Variants in SEMA6D observed in about 807,000 individuals in gnomAD.
SEMA6D encodes semaphorin-6D.
SEMA6D carries 35 observed loss-of-function variants against 106.6 expected under a neutral mutation model. The ratio of observed to expected loss-of-function variants is 0.33; its 90% CI spans 0.25 to 0.44. The LOEUF (loss-of-function observed/expected upper bound fraction) is 0.44, where lower values mean the gene tolerates loss of function less well. SEMA6D is among the 20% of genes least tolerant of loss of function. SEMA6D has a pLI of 1.00. For missense variants in SEMA6D, 1,185 were observed against 1,345.9 expected (o/e 0.88, Z 1.87); for synonymous variants, 499 against 487.7 (o/e 1.02, Z -0.31).
chr15:47,247,895 C>T (rs940118821), intron 1 of SEMA6D, among the ~76,000 whole-genome samples: 1 of 152,184 alleles, frequency 6.6e-6, no homozygotes. Flanking sequence ...CTGTGTCAGA[C>T]TTGAGGGTCA....
intron 1 of SEMA6D, among the ~76,000 whole-genome samples, chr15:47,347,018 T>C (rs606997): frequency 0.53 from 80,916 of 151,892 alleles, 24,659 homozygotes; most frequent in African/African-American, 0.85. Context: ...AAGCGATTCT[T>C]GCACCTCAAC....
chr15:47,407,537 G>A (rs2040636472), intron 1 of SEMA6D, among the ~76,000 whole-genome samples: 1 of 152,082 alleles, frequency 6.6e-6, no homozygotes, highest in South Asian at 2.1e-4. Context: ...ATTTGGAAAT[G>A]TTGACTTGAA....
chr15:47,437,193 A>G lies in SEMA6D; in HGVS notation c.-159+24721A>G, dbSNP rs537961374. Reference sequence around the variant, plus strand: ...CTTTAGTCAAATATCTCCTTAGCCAATTGCTGTCTTGTGCCTAATCCAAAT... The same window carrying G: ...CTTTAGTCAAATATCTCCTTAGCCAGTTGCTGTCTTGTGCCTAATCCAAAT... On this transcript the variant is annotated intron_variant, in intron 2 of 19. Transcript: ENST00000558014. Among the ~76,000 whole-genome samples, 8 of 152,146 alleles carry G rather than the reference A, an allele frequency of 5.3e-5. No homozygotes were observed. In the South Asian group the frequency reaches 1.0e-3, roughly 20 times the overall value.
At chr15:47,621,423 C>T (rs568707660) in intron 4 of SEMA6D, among the ~76,000 whole-genome samples, 1 of 151,976 alleles carries the variant, frequency 6.6e-6, no homozygotes, top group Non-Finnish European at 1.5e-5. Context: ...AATACATAAG[C>T]CCGGTGAATC....
chr15:47,619,359 C>T (rs1324143869), intron 4 of SEMA6D, among the ~76,000 whole-genome samples: 1 of 152,172 alleles, frequency 6.6e-6, no homozygotes, highest in Non-Finnish European at 1.5e-5. Context: ...CTGACATCTG[C>T]TTTGACAAGC....
intron 1 of SEMA6D, among the ~76,000 whole-genome samples, chr15:47,402,637 G>A (rs1324945946): frequency 2.6e-5 from 4 of 152,048 alleles, no homozygotes; most frequent in African/African-American, 4.8e-5. Context: ...GTTTCCACTG[G>A]GCCCCTCCAG....
intron 3 of SEMA6D, among the ~76,000 whole-genome samples, chr15:47,585,042 C>A (rs2076314013): frequency 6.6e-6 from 1 of 152,132 alleles, no homozygotes; most frequent in African/African-American, 2.4e-5. Flanking sequence ...GTCTTTCTGC[C>A]TATCTTAATA....
At chr15:47,624,436 C>T (rs995367963) in intron 4 of SEMA6D, among the ~76,000 whole-genome samples, 2 of 152,160 alleles carry the variant, frequency 1.3e-5, no homozygotes, top group South Asian at 4.1e-4. Context: ...TTTATTACCT[C>T]TGTGAAAAAC....
chr15:47,444,332 A>G (rs899697793), intron 2 of SEMA6D, among the ~76,000 whole-genome samples: 3 of 152,172 alleles, frequency 2.0e-5, no homozygotes, highest in Admixed American at 6.5e-5. Flanking sequence ...ATGGGCAAGG[A>G]TGACTTTCAG....
chr15:47,315,791 T>C (rs544206514), intron 1 of SEMA6D, among the ~76,000 whole-genome samples: 1 of 152,306 alleles, frequency 6.6e-6, no homozygotes, highest in African/African-American at 2.4e-5. Flanking sequence ...TTTACTCTTA[T>C]AGATCTTGTA....
intron 4 of SEMA6D, among the ~76,000 whole-genome samples, chr15:47,647,394 T>C (rs1210599457): frequency 6.6e-6 from 1 of 152,216 alleles, no homozygotes; most frequent in Non-Finnish European, 1.5e-5. Context: ...GGAATTGTAT[T>C]CATGGAAGGT....
At chr15:47,754,343 C>A (rs926635310) in intron 1 of SEMA6D, among the ~76,000 whole-genome samples, 10 of 152,192 alleles carry the variant, frequency 6.6e-5, no homozygotes, top group African/African-American at 1.9e-4. Context: ...GCATCTGGAA[C>A]AACAAATCTG....
rs535838933 is a variant in SEMA6D at position 47,682,073 on chromosome 15, A to G, written c.-54-77672A>G. 3.3e-3 allele frequency among the ~76,000 whole-genome samples: 510 copies of G among 152,266 alleles called. 2 individuals carry two copies. The highest frequency in any genetic ancestry group is 4.4e-3 in the Non-Finnish European group (299 of 68,020). ...GAGTAAGGCAGGATTTAGGGGATGTATGTAAACCCCTAAAGGGTATATTTA... is the reference window on the plus strand; with the variant it reads ...GAGTAAGGCAGGATTTAGGGGATGTGTGTAAACCCCTAAAGGGTATATTTA... On this transcript the variant is annotated intron_variant, in intron 4 of 19. Transcript: ENST00000558014.
intron 3 of SEMA6D, among the ~76,000 whole-genome samples, chr15:47,531,728 AGT>A (rs2044976637): frequency 6.6e-6 from 1 of 152,182 alleles, no homozygotes; most frequent in South Asian, 2.1e-4. Context: ...ATTGGGAATC[AGT>A]GGGAGAGAAA....
chr15:47,211,804 G>A (rs142014221), intron 1 of SEMA6D, among the ~76,000 whole-genome samples: 17 of 152,254 alleles, frequency 1.1e-4, no homozygotes, highest in African/African-American at 4.1e-4. Flanking sequence ...TGGGTTTTAT[G>A]TGCCAAGGAT....
At chr15:47,385,877 G>A (rs1370948438) in intron 1 of SEMA6D, among the ~76,000 whole-genome samples, 1 of 152,022 alleles carries the variant, frequency 6.6e-6, no homozygotes, top group African/African-American at 2.4e-5. Context: ...ATTTTGACAG[G>A]GGTTGAATAA....
intron 2 of SEMA6D, among the ~76,000 whole-genome samples, chr15:47,463,484 A>C (rs1423845737): frequency 6.6e-6 from 1 of 152,178 alleles, no homozygotes; most frequent in Non-Finnish European, 1.5e-5. Context: ...TCAAACGCCA[A>C]AGTTTCTCAA....
intron 4 of SEMA6D, among the ~76,000 whole-genome samples, chr15:47,705,797 T>G (rs1271420659): frequency 6.6e-6 from 1 of 152,228 alleles, no homozygotes; most frequent in Non-Finnish European, 1.5e-5. Context: ...AAGTCTGTGC[T>G]GCACTACGAA....
At chr15:47,575,751 C>T (rs1363689529) in intron 3 of SEMA6D, among the ~76,000 whole-genome samples, 2 of 151,982 alleles carry the variant, frequency 1.3e-5, no homozygotes, top group Non-Finnish European at 2.9e-5. Flanking sequence ...GAAGTTGGTG[C>T]TTTCACAGTA....
Sources: gnomAD v4.1 joint callset for allele counts (sites outside exome capture counted in the v4.1 genomes callset) on GRCh38, gnomAD v4.1.1 for gene constraint, MANE v1.5 for transcripts, NCBI Gene and HGNC (gene_info 2026-07-23, HGNC 2026-07-21) for gene names.